KCNC1: variants seen among roughly 807,000 people sequenced by gnomAD.
KCNC1 encodes the protein voltage-gated potassium channel KCNC1.
KCNC1 carries 8 observed loss-of-function variants against 43.4 expected under a neutral mutation model. The observed-to-expected ratio is 0.18, with a 90% CI of 0.11 to 0.33. The LOEUF (loss-of-function observed/expected upper bound fraction) is 0.33, where lower values mean the gene tolerates loss of function less well. Ranked by LOEUF, KCNC1 falls within the 10% of genes least tolerant of loss-of-function variation. The probability of loss-of-function intolerance (pLI) is 1.00; values close to 1 mark genes in which losing one functional copy is unlikely to be tolerated. For synonymous variants in KCNC1, 361 were observed against 360.5 expected (o/e 1.00, Z -0.01); for missense variants, 420 against 836.0 (o/e 0.50, Z 6.14).
Position 17,776,539 on chromosome 11 carries a change from C to A in KCNC1, c.1505-2917C>A. On this transcript the variant is annotated intron_variant, in intron 2 of 3. Transcript: ENST00000265969. This position sits in a 1 kb window ranked among gnomAD's most constrained non-coding sequence, Gnocchi z 4.4. ...TGCTCCAAAGTTTAAAAAAAAATGACCCTCTCGCAGATGCTCATCTCAGCC... is the reference window on the plus strand; with the variant it reads ...TGCTCCAAAGTTTAAAAAAAAATGAACCTCTCGCAGATGCTCATCTCAGCC... 1 of 985,468 alleles carries A rather than the reference C, an allele frequency of 1.0e-6. No homozygotes were observed. The highest frequency in any genetic ancestry group is 1.2e-6 in the Non-Finnish European group (1 of 829,968). 61.0% of individuals were successfully genotyped at this position (985,468 alleles called of 1,614,324 possible). A position where few individuals can be genotyped will look rare whatever the true frequency, so the allele number is the denominator to read the frequency against.
At chr11:17,758,285 T>C (rs1849042810) in intron 1 of KCNC1, among the ~76,000 whole-genome samples, 1 of 152,240 alleles carries the variant, frequency 6.6e-6, no homozygotes, top group African/African-American at 2.4e-5. Flanking sequence ...CAGGCTCTAC[T>C]TCTAATTCTA....
At position 17,781,356 on chromosome 11, in the gene KCNC1, C is replaced by T. The variant is rs894821188; in HGVS notation, c.1694-314C>T. ...TGTCCCCACCTACATCCATTCGGCC[C>T]GCGCTCTCATGGAGCCACGACAGCC... On this transcript the variant is annotated intron_variant, in intron 3 of 3. Coordinates refer to ENST00000265969, the MANE Select transcript of KCNC1 (RefSeq NM_001112741.2). The surrounding 1 kb of genome is among the most constrained non-coding windows in gnomAD (Gnocchi z 5.1). 4 of 328,372 alleles carry T rather than the reference C, an allele frequency of 1.2e-5. No homozygotes were observed. The highest frequency in any genetic ancestry group is 2.1e-5 in the African/African-American group (1 of 46,948). 20.3% of individuals were successfully genotyped at this position (328,372 alleles called of 1,614,324 possible).
chr11:17,773,461 C>T lies in KCNC1; in HGVS notation c.1504+863C>T. ...GCGCTACAGACCAGCAACAGCCTCC[C>T]ACCGAGGGTTCTCCCCGTTTCCAGC... On this transcript the variant is annotated intron_variant, in intron 2 of 3. Transcript: ENST00000265969. The surrounding 1 kb of genome is among the most constrained non-coding windows in gnomAD (Gnocchi z 4.1). The T allele has an allele frequency of 1.0e-6, 1 of 985,228 alleles. No individual in the cohort carries two copies. Among genetic ancestry groups the T allele is most frequent in the Non-Finnish European group, 1.2e-6 (1 of 829,928 alleles). The allele number at this position is 985,228 out of a possible 1,614,324, so 61.0% of individuals were successfully genotyped here. A position where few individuals can be genotyped will look rare whatever the true frequency, so the allele number is the denominator to read the frequency against.
chr11:17,771,743 C>T lies in KCNC1; in HGVS notation c.649C>T (p.Pro217Ser). Residue 217 changes from proline (P) to serine (S), a missense_variant, in exon 2 of 4, where the codon CCC becomes TCC. Physicochemically the swap from Pro to Ser is moderately conservative, Grantham distance 74. Coordinates refer to ENST00000265969, the MANE Select transcript of KCNC1 (RefSeq NM_001112741.2). The surrounding 1 kb of genome is among the most constrained non-coding windows in gnomAD (Gnocchi z 4.7). ...FCLETHERFN[P>S]IVNKTEIENV... is the part of the protein sequence containing the mutation. Reference sequence around the variant, plus strand: ...CCTGGAGACCCACGAGCGCTTCAACCCCATCGTGAACAAGACGGAGATCGA... The same window carrying T: ...CCTGGAGACCCACGAGCGCTTCAACTCCATCGTGAACAAGACGGAGATCGA... The T allele has an allele frequency of 1.2e-6, 2 of 1,614,092 alleles. No homozygotes were observed. Among genetic ancestry groups the T allele is most frequent in the South Asian group, 1.1e-5 (1 of 91,090 alleles).
rs184060558 is a variant in KCNC1 at position 17,780,337 on chromosome 11, G to A, written c.1693+693G>A. The A allele has an allele frequency of 6.7e-4, 102 of 152,854 alleles. 1 individual carries two copies. Among genetic ancestry groups the A allele is most frequent in the East Asian group, 1.5e-3 (8 of 5,196 alleles). 9.5% of individuals were successfully genotyped at this position (152,854 alleles called of 1,614,324 possible). A position where few individuals can be genotyped will look rare whatever the true frequency, so the allele number is the denominator to read the frequency against. On this transcript the variant is annotated intron_variant, in intron 3 of 3. Transcript: ENST00000265969. ...CACCCTCTTGTGGTTGGCGAAGGCT[G>A]AGGCTGCTGGTGGCCCCTGCTCCAG...
In KCNC1 at chr11:17,777,100, G is replaced by A; in HGVS notation, c.1505-2356G>A. The A allele has an allele frequency of 7.1e-6, 7 of 984,856 alleles. No individual in the cohort carries two copies. Among genetic ancestry groups the A allele is most frequent in the East Asian group, 1.2e-4 (1 of 8,674 alleles). 61.0% of individuals were successfully genotyped at this position (984,856 alleles called of 1,614,324 possible). A position where few individuals can be genotyped will look rare whatever the true frequency, so the allele number is the denominator to read the frequency against. ...CTTGTCCCCTGCCCAAAACCATCCC[G>A]AACTTTGGGCCCTTTAGTGATTGTG... is the stretch of plus-strand genomic sequence containing the variant. On this transcript the variant is annotated intron_variant, in intron 2 of 3. Transcript: ENST00000265969. This position sits in a 1 kb window ranked among gnomAD's most constrained non-coding sequence, Gnocchi z 4.3.
chr11:17,737,340 C>T (rs1848779613), intron 1 of KCNC1, among the ~76,000 whole-genome samples: 1 of 151,878 alleles, frequency 6.6e-6, no homozygotes, highest in African/African-American at 2.4e-5. Context: ...TGGGACATCC[C>T]GTGGTGGGGA....
chr11:17,737,147 G>C (rs879888058), intron 1 of KCNC1, among the ~76,000 whole-genome samples: 1 of 152,082 alleles, frequency 6.6e-6, no homozygotes, highest in Non-Finnish European at 1.5e-5. Flanking sequence ...GCAATTTTGA[G>C]GAAGTGGTCA....
At chr11:17,755,882 C>CT (rs1203256120) in intron 1 of KCNC1, among the ~76,000 whole-genome samples, 1 of 152,070 alleles carries the variant, frequency 6.6e-6, no homozygotes, top group African/African-American at 2.4e-5. Context: ...GGGTTAACCA[C>CT]TAAGGATGTG....
chr11:17,735,978 G>T lies in KCNC1; in HGVS notation c.-25G>T, dbSNP rs763235319. ...CCGCTCCCATGGGTGTCGCTGGGCC[G>T]CGCCATGCCTAAGGGGGCGCCGCGA... On this transcript the variant is annotated 5_prime_UTR_variant, in exon 1 of 4. Transcript: ENST00000265969. The surrounding 1 kb of genome is among the most constrained non-coding windows in gnomAD (Gnocchi z 6.7). 14 of 1,411,576 alleles carry T rather than the reference G, an allele frequency of 9.9e-6. No homozygotes were observed. The South Asian group carries it at 2.2e-4, about 22-fold the overall frequency. The allele number at this position is 1,411,576 out of a possible 1,614,324, so 87.4% of individuals were successfully genotyped here.
rs995806901 is a variant in KCNC1 at position 17,777,188 on chromosome 11, T to C, written c.1505-2268T>C. The stretch of plus-strand genomic sequence containing the variant: ...AGAACCAGTGGGCGGGGGCCCAGCA[T>C]TCAGAGCCAGAGAAGGGTCTCAGGC... On this transcript the variant is annotated intron_variant, in intron 2 of 3. Transcript: ENST00000265969. This position sits in a 1 kb window ranked among gnomAD's most constrained non-coding sequence, Gnocchi z 4.3. 4 of 985,308 alleles carry C rather than the reference T, an allele frequency of 4.1e-6. No homozygotes were observed. In the Admixed American group the frequency reaches 2.5e-4, roughly 61 times the overall value. 61.0% of individuals were successfully genotyped at this position (985,308 alleles called of 1,614,324 possible). A position where few individuals can be genotyped will look rare whatever the true frequency, so the allele number is the denominator to read the frequency against.
chr11:17,774,128 C>G, intron 2 of KCNC1: 1 of 985,632 alleles, frequency 1.0e-6, no homozygotes, highest in Non-Finnish European at 1.2e-6. Flanking sequence ...GCCGCATACC[C>G]TTCCCTTCCT....
At chr11:17,769,594 C>A (rs556058902) in intron 1 of KCNC1, among the ~76,000 whole-genome samples, 1 of 152,040 alleles carries the variant, frequency 6.6e-6, no homozygotes, top group Non-Finnish European at 1.5e-5. Context: ...GTAATCCCAG[C>A]ACTTTGGGAG....
chr11:17,774,964 T>A (rs1475996468), intron 2 of KCNC1: 1 of 984,894 alleles, frequency 1.0e-6, no homozygotes, highest in Non-Finnish European at 1.2e-6. Context: ...GGAGTTGCGG[T>A]CTTTAGGGGC....
In KCNC1 at chr11:17,771,884, G is replaced by A; in HGVS notation, c.790G>A (p.Val264Ile). The A allele has an allele frequency of 6.2e-7, 1 of 1,614,236 alleles. No homozygotes were observed. The highest frequency in any genetic ancestry group is 1.1e-5 in the South Asian group (1 of 91,084). ...VWFTFEFLMR[V>I]IFCPNKVEFI... is the part of the protein sequence containing the mutation. ...GTTCACCTTCGAGTTCCTCATGCGT[G>A]TCATCTTCTGCCCCAACAAGGTAGA... The change falls in exon 2 of 4, where the codon GTC becomes ATC. Residue 264 changes from valine to isoleucine, a missense_variant. This residue lies in a region of KCNC1 where 151 missense variants were observed against 216.7 expected (regional missense o/e 0.70). Transcript: ENST00000265969. This position sits in a 1 kb window ranked among gnomAD's most constrained non-coding sequence, Gnocchi z 4.7.
At chr11:17,746,108 G>A (rs2107580) in intron 1 of KCNC1, among the ~76,000 whole-genome samples, 1 of 152,042 alleles carries the variant, frequency 6.6e-6, no homozygotes, top group Non-Finnish European at 1.5e-5. Flanking sequence ...CATGGGCACC[G>A]TGCATTTGAA....
chr11:17,773,690 T>C lies in KCNC1; in HGVS notation c.1504+1092T>C. 1.0e-6 allele frequency: 1 copy of C among 985,366 alleles called. No homozygotes were observed. Among genetic ancestry groups the C allele is most frequent in the Non-Finnish European group, 1.2e-6 (1 of 829,916 alleles). 61.0% of individuals were successfully genotyped at this position (985,366 alleles called of 1,614,324 possible). A position where few individuals can be genotyped will look rare whatever the true frequency, so the allele number is the denominator to read the frequency against. ...TGCACATAGCACATAAAGTTGATCA[T>C]GGGGCTCTGGTCCGAAGATATAAAG... On this transcript the variant is annotated intron_variant, in intron 2 of 3. Transcript: ENST00000265969. This position sits in a 1 kb window ranked among gnomAD's most constrained non-coding sequence, Gnocchi z 4.1.
In KCNC1 at chr11:17,776,650, G is replaced by A. The variant is rs957966091; in HGVS notation, c.1505-2806G>A. Reference sequence around the variant, plus strand: ...GCCTGTGGGTCTAGTGGGGGCCTGGGGGCCCTGGGCTGGGGGAGGCAGGGC... The same window carrying A: ...GCCTGTGGGTCTAGTGGGGGCCTGGAGGCCCTGGGCTGGGGGAGGCAGGGC... On this transcript the variant is annotated intron_variant, in intron 2 of 3. Coordinates refer to ENST00000265969, the MANE Select transcript of KCNC1 (RefSeq NM_001112741.2). The surrounding 1 kb of genome is among the most constrained non-coding windows in gnomAD (Gnocchi z 4.4). 508 of 985,316 alleles carry A rather than the reference G, an allele frequency of 5.2e-4. No homozygotes were observed. Among genetic ancestry groups the A allele is most frequent in the Non-Finnish European group, 6.0e-4 (496 of 829,950 alleles). 61.0% of individuals were successfully genotyped at this position (985,316 alleles called of 1,614,324 possible). A position where few individuals can be genotyped will look rare whatever the true frequency, so the allele number is the denominator to read the frequency against.
chr11:17,774,831 A>C, intron 2 of KCNC1: 3 of 984,598 alleles, frequency 3.0e-6, no homozygotes, highest in Non-Finnish European at 3.6e-6. Flanking sequence ...CCAAGCACTC[A>C]CTTCCCGGTG....
Sources: gnomAD v4.1 joint callset for allele counts (sites outside exome capture counted in the v4.1 genomes callset) on GRCh38, gnomAD v4.1.1 for gene constraint, gnomAD v4.1.1 regional missense constraint, Gnocchi (gnomAD v3.1) non-coding constraint, MANE v1.5 for transcripts, NCBI Gene and HGNC (gene_info 2026-07-23, HGNC 2026-07-21) for gene names.